Variants in STIM2 observed in about 807,000 individuals in gnomAD.
The protein encoded by STIM2 is stromal interaction molecule 2.
STIM2 carries 31 observed loss-of-function variants against 85.8 expected under a neutral mutation model. The ratio of observed to expected loss-of-function variants is 0.36; its 90% CI spans 0.27 to 0.49. The LOEUF (loss-of-function observed/expected upper bound fraction) is 0.49. Ranked by LOEUF, STIM2 falls within the 20% of genes least tolerant of loss-of-function variation. The pLI, the probability that STIM2 is intolerant of heterozygous loss-of-function variation, is 0.98. For missense variants in STIM2, 841 were observed against 927.6 expected (o/e 0.91, Z 1.21); for synonymous variants, 356 against 331.1 (o/e 1.08, Z -0.82).
At chr4:26,976,566 G>T (rs1252061427) in intron 3 of STIM2, among the ~76,000 whole-genome samples, 2 of 151,980 alleles carry the variant, frequency 1.3e-5, no homozygotes, top group Non-Finnish European at 2.9e-5. Context: ...CCAGCAGTTT[G>T]GGAGGTCTAG....
intron 1 of STIM2, among the ~76,000 whole-genome samples, chr4:26,878,958 C>T (rs759208482): frequency 1.3e-5 from 2 of 152,298 alleles, no homozygotes; most frequent in East Asian, 1.9e-4. Flanking sequence ...ATCCTCCCCC[C>T]ACACATGAGG....
intron 3 of STIM2, among the ~76,000 whole-genome samples, chr4:26,974,294 T>C (rs1727095865): frequency 6.6e-6 from 1 of 152,218 alleles, no homozygotes; most frequent in African/African-American, 2.4e-5. Context: ...TGCTGGTTAT[T>C]TTTCCCGTTA....
At position 26,860,913 on chromosome 4, in the gene STIM2, C is replaced by G; in HGVS notation, c.-306C>G. 1.8e-6 allele frequency: 2 copies of G among 1,106,314 alleles called. No individual in the cohort carries two copies. The highest frequency in any genetic ancestry group is 2.2e-6 in the Non-Finnish European group (2 of 897,060). 68.5% of individuals were successfully genotyped at this position (1,106,314 alleles called of 1,614,324 possible). A position where few individuals can be genotyped will look rare whatever the true frequency, so the allele number is the denominator to read the frequency against. ...CACCGCCTGAAGACGCCGTACCTTT[C>G]TACCCCCCACCTTTTTTTTTTTTTT... On this transcript the variant is annotated 5_prime_UTR_variant, in exon 1 of 12. Coordinates refer to ENST00000467087, the MANE Select transcript of STIM2 (RefSeq NM_020860.4).
At chr4:26,993,072 TAGAG>T (rs1252314871) in intron 3 of STIM2, among the ~76,000 whole-genome samples, 3 of 152,170 alleles carry the variant, frequency 2.0e-5, no homozygotes, top group Non-Finnish European at 2.9e-5. Flanking sequence ...TGAACAGTCA[TAGAG>T]AGAATCTTAT....
intron 11 of STIM2, among the ~76,000 whole-genome samples, chr4:27,020,730 C>CA (rs1242452013): frequency 6.6e-6 from 1 of 152,096 alleles, no homozygotes; most frequent in African/African-American, 2.4e-5. Context: ...AATCATAGGC[C>CA]ATCTAAGGTA....
chr4:26,909,740 G>A lies in STIM2; in HGVS notation c.152-9764G>A, dbSNP rs189535606. Reference sequence around the variant, plus strand: ...TGAGCATACAATTCAGTAGCACTGCGTACATCATAATGTTGTGGTTGTAGC... The same window carrying A: ...TGAGCATACAATTCAGTAGCACTGCATACATCATAATGTTGTGGTTGTAGC... On this transcript the variant is annotated intron_variant, in intron 1 of 11. Coordinates refer to ENST00000467087, the MANE Select transcript of STIM2 (RefSeq NM_020860.4). 2.6e-3 allele frequency among the ~76,000 whole-genome samples: 399 copies of A among 152,246 alleles called. 2 individuals carry two copies. Among genetic ancestry groups the A allele is most frequent in the African/African-American group, 8.6e-3 (357 of 41,548 alleles).
chr4:27,010,158 A>G (rs913879629), intron 10 of STIM2, among the ~76,000 whole-genome samples: 1 of 152,176 alleles, frequency 6.6e-6, no homozygotes, highest in Non-Finnish European at 1.5e-5. Context: ...TGTTTTAGAA[A>G]TGTTGTGATC....
At chr4:26,994,568 A>G (rs1727888310) in intron 3 of STIM2, among the ~76,000 whole-genome samples, 1 of 152,086 alleles carries the variant, frequency 6.6e-6, no homozygotes, top group Admixed American at 6.6e-5. Context: ...ATCATGAACA[A>G]TCTATTCTCC....
rs186360586 is a variant in STIM2, at chr4:26,970,123, T to C, written c.397+12397T>C. Among the ~76,000 whole-genome samples, 795 of 150,214 alleles carry C rather than the reference T, an allele frequency of 5.3e-3. 6 individuals carry two copies. The highest frequency in any genetic ancestry group is 9.2e-3 in the Non-Finnish European group (621 of 67,660). On this transcript the variant is annotated intron_variant, in intron 3 of 11. Coordinates refer to ENST00000467087, the MANE Select transcript of STIM2 (RefSeq NM_020860.4). ...CAAACCTCTTCAATGTCTGACTTAC[T>C]GGAGTGTAGTTAGATTCTCATAGCT...
In STIM2 at chr4:26,861,299, G is replaced by C. The variant is rs770499190; in HGVS notation, c.81G>C (p.Ala27=). Residue 27 remains alanine (A), a synonymous_variant, in exon 1 of 12, where the codon GCG becomes GCC. Coordinates refer to ENST00000467087, the MANE Select transcript of STIM2 (RefSeq NM_020860.4). Reference sequence around the variant, plus strand: ...CCCGGCACCTCCGCGGGCGGCGGGCGACTGGCTCTGCCGCAACTGCCGCCT... The same window carrying C: ...CCCGGCACCTCCGCGGGCGGCGGGCCACTGGCTCTGCCGCAACTGCCGCCT... 38 of 1,443,632 alleles carry C rather than the reference G, an allele frequency of 2.6e-5. No homozygotes were observed. Among genetic ancestry groups the C allele is most frequent in the Non-Finnish European group, 3.3e-5 (36 of 1,102,056 alleles). The allele number at this position is 1,443,632 out of a possible 1,614,324, so 89.4% of individuals were successfully genotyped here.
chr4:26,955,440 G>C (rs1399781265), intron 2 of STIM2, among the ~76,000 whole-genome samples: 1 of 148,004 alleles, frequency 6.8e-6, no homozygotes, highest in Admixed American at 6.6e-5. Context: ...TTTCCTCCCT[G>C]CTATGTCCAT....
intron 1 of STIM2, chr4:26,874,278 C>A: frequency 2.4e-6 from 1 of 410,976 alleles, no homozygotes; most frequent in South Asian, 2.0e-5. Context: ...CCTTGCTGTT[C>A]TTGAGCTGCT....
rs965349891 is a variant in STIM2, at chr4:26,984,670, A to G, written c.398-10709A>G. Among the ~76,000 whole-genome samples, 4 of 152,116 alleles carry G rather than the reference A, an allele frequency of 2.6e-5. No individual in the cohort carries two copies. The South Asian group carries it at 8.3e-4, about 31-fold the overall frequency. ...GTGAGCCACTTGCACCCAGCCTTCA[A>G]TTTCTAATTTTAAGATATATCTTTG... On this transcript the variant is annotated intron_variant, in intron 3 of 11. Coordinates refer to ENST00000467087, the MANE Select transcript of STIM2 (RefSeq NM_020860.4).
At chr4:27,018,088 C>A in intron 11 of STIM2, 104 bp downstream of exon 11, 1 of 1,504,208 alleles carries the variant, frequency 6.6e-7, no homozygotes, top group Non-Finnish European at 9.1e-7. Context: ...TCTGTTGCTA[C>A]ATATCAAGGT....
intron 1 of STIM2, among the ~76,000 whole-genome samples, chr4:26,862,880 T>G (rs1477024993): frequency 1.3e-5 from 2 of 152,200 alleles, no homozygotes; most frequent in African/African-American, 2.4e-5. Context: ...GACTATAATT[T>G]GAAGATTTAA....
chr4:26,952,844 C>G lies in STIM2; in HGVS notation c.283-4768C>G, dbSNP rs140229321. Among the ~76,000 whole-genome samples, 22 of 152,232 alleles carry G rather than the reference C, an allele frequency of 1.4e-4. No individual in the cohort carries two copies. The East Asian group carries it at 4.1e-3, about 28-fold the overall frequency. The stretch of plus-strand genomic sequence containing the variant: ...CTTTAGAATTCTTTAAAACTTACTT[C>G]CAGAATTGGGTCTCCTTTTAAATAG... On this transcript the variant is annotated intron_variant, in intron 2 of 11. Transcript: ENST00000467087.
intron 1 of STIM2, among the ~76,000 whole-genome samples, chr4:26,899,817 G>A (rs1406959731): frequency 6.6e-6 from 1 of 152,038 alleles, no homozygotes; most frequent in Non-Finnish European, 1.5e-5. Context: ...TAATACAATT[G>A]TTTAGATTTG....
chr4:26,947,692 G>T (rs913400234), intron 2 of STIM2, among the ~76,000 whole-genome samples: 2 of 152,148 alleles, frequency 1.3e-5, no homozygotes, highest in Non-Finnish European at 1.5e-5. Context: ...AGCATAAAGC[G>T]CTTCCTCCCC....
chr4:27,024,379 A>G lies in STIM2; in HGVS notation c.*1383A>G, dbSNP rs957190498. 1.3e-5 allele frequency: 2 copies of G among 152,220 alleles called. No individual in the cohort carries two copies. Among genetic ancestry groups the G allele is most frequent in the Admixed American group, 6.5e-5 (1 of 15,290 alleles). 9.4% of individuals were successfully genotyped at this position (152,220 alleles called of 1,614,324 possible). ...AAGTGATTTGGTTACTGCAATGCAG[A>G]TGGATGTTTGGATGAACAACTGATA... On this transcript the variant is annotated 3_prime_UTR_variant, in exon 12 of 12. Coordinates refer to ENST00000467087, the MANE Select transcript of STIM2 (RefSeq NM_020860.4).
Sources: gnomAD v4.1 joint callset for allele counts (sites outside exome capture counted in the v4.1 genomes callset) on GRCh38, gnomAD v4.1.1 for gene constraint, MANE v1.5 for transcripts, NCBI Gene and HGNC (gene_info 2026-07-23, HGNC 2026-07-21) for gene names.